The following LRMDA variants were observed in gnomAD, a reference collection of about 807,000 sequenced individuals.
The protein encoded by LRMDA is leucine-rich melanocyte differentiation-associated protein.
In LRMDA, 18 loss-of-function variants were observed where a neutral mutation model predicts 29.8. The observed-to-expected ratio is 0.60, with a 90% CI of 0.42 to 0.90. The LOEUF is 0.90. LRMDA is among the 40% of genes least tolerant of loss of function. LRMDA has a pLI of 0.00. For missense variants in LRMDA, 273 were observed against 273.9 expected (o/e 1.00, Z 0.02); for synonymous variants, 125 against 109.4 (o/e 1.14, Z -0.89).
chr10:75,456,875 C>T (rs1354343635), intron 2 of LRMDA, among the ~76,000 whole-genome samples: 1 of 152,120 alleles, frequency 6.6e-6, no homozygotes, highest in African/African-American at 2.4e-5. Flanking sequence ...AGGGTTTCAC[C>T]ATTTTGGCCA....
chr10:76,219,426 C>G lies in LRMDA; in HGVS notation c.517-104975C>G, dbSNP rs890853753. On this transcript the variant is annotated intron_variant, in intron 5 of 6. Transcript: ENST00000611255. ...AATAAAAGGATGGAGGAAGATCTAC[C>G]AAGCAAATGGAAAACAAAAAAAAGG... 2.8e-4 allele frequency among the ~76,000 whole-genome samples: 43 copies of G among 151,966 alleles called. 1 individual carries two copies. Among genetic ancestry groups the G allele is most frequent in the Admixed American group, 2.6e-4 (4 of 15,246 alleles).
At chr10:76,292,275 C>T (rs903659066) in intron 5 of LRMDA, among the ~76,000 whole-genome samples, 14 of 152,102 alleles carry the variant, frequency 9.2e-5, no homozygotes, top group African/African-American at 1.2e-4. Flanking sequence ...TGAAGGAATT[C>T]GAGGTGTATA....
intron 2 of LRMDA, among the ~76,000 whole-genome samples, chr10:75,805,825 A>G (rs1191962899): frequency 6.6e-6 from 1 of 152,126 alleles, no homozygotes; most frequent in Non-Finnish European, 1.5e-5. Context: ...TTAATATAAA[A>G]GTTTTGAGAC....
chr10:76,180,798 G>T (rs1464131355), intron 5 of LRMDA, among the ~76,000 whole-genome samples: 1 of 152,078 alleles, frequency 6.6e-6, no homozygotes, highest in Non-Finnish European at 1.5e-5. Flanking sequence ...ACTTGTTATG[G>T]CTATGTATCT....
intron 5 of LRMDA, among the ~76,000 whole-genome samples, chr10:76,093,869 T>C (rs891000279): frequency 6.6e-6 from 1 of 152,310 alleles, no homozygotes; most frequent in East Asian, 1.9e-4. Context: ...GCAGCTGTGT[T>C]ACCTTCTCAT....
At chr10:75,886,082 C>T (rs2132348705) in intron 2 of LRMDA, among the ~76,000 whole-genome samples, 2 of 152,324 alleles carry the variant, frequency 1.3e-5, no homozygotes, top group Middle Eastern at 6.8e-3. Context: ...TTTTGCTTTC[C>T]TTCCACCCCT....
intron 2 of LRMDA, among the ~76,000 whole-genome samples, chr10:75,903,716 G>T (rs150780390): frequency 6.6e-6 from 1 of 152,144 alleles, no homozygotes; most frequent in Admixed American, 6.5e-5. Flanking sequence ...CAGCCACTCC[G>T]TTGCATTGCA....
chr10:75,895,601 A>G (rs1024424107), intron 2 of LRMDA, among the ~76,000 whole-genome samples: 10 of 152,178 alleles, frequency 6.6e-5, no homozygotes, highest in Admixed American at 6.5e-4. Context: ...TGATAAGTGG[A>G]AGTGGAAATA....
intron 5 of LRMDA, among the ~76,000 whole-genome samples, chr10:76,320,893 G>A (rs576466587): frequency 6.6e-6 from 1 of 152,194 alleles, no homozygotes; most frequent in Non-Finnish European, 1.5e-5. Flanking sequence ...GTGTTTCCCT[G>A]CATACATGAA....
intron 2 of LRMDA, among the ~76,000 whole-genome samples, chr10:76,007,380 T>C (rs1019222896): frequency 2.0e-4 from 31 of 151,984 alleles, no homozygotes; most frequent in Non-Finnish European, 4.4e-5. Flanking sequence ...TCAACTTCAC[T>C]CTGGCACAAT....
chr10:76,181,611 G>A (rs138198052), intron 5 of LRMDA, among the ~76,000 whole-genome samples: 2 of 152,094 alleles, frequency 1.3e-5, no homozygotes, highest in Non-Finnish European at 2.9e-5. Context: ...CATAAGTACC[G>A]GGATTCAGGA....
intron 6 of LRMDA, among the ~76,000 whole-genome samples, chr10:76,376,854 C>A (rs1841524816): frequency 1.2e-5 from 1 of 83,184 alleles, no homozygotes; most frequent in Non-Finnish European, 2.4e-5. Context: ...GTTTGTTGGG[C>A]ACTTGGAAGT....
intron 5 of LRMDA, among the ~76,000 whole-genome samples, chr10:76,185,878 A>G (rs1851140010): frequency 6.6e-6 from 1 of 152,202 alleles, no homozygotes; most frequent in African/African-American, 2.4e-5. Context: ...TATGAGTTTC[A>G]CTGATATCAA....
chr10:76,106,637 G>A (rs899115068), intron 5 of LRMDA, among the ~76,000 whole-genome samples: 4 of 152,168 alleles, frequency 2.6e-5, no homozygotes, highest in East Asian at 3.9e-4. Flanking sequence ...GTCCTGGTGC[G>A]TGCTGGGCTT....
At chr10:76,143,089 C>T (rs1028141452) in intron 5 of LRMDA, among the ~76,000 whole-genome samples, 1 of 152,096 alleles carries the variant, frequency 6.6e-6, no homozygotes, top group Admixed American at 6.6e-5. Flanking sequence ...TCCAGTCTAT[C>T]GTTATTGGAC....
intron 5 of LRMDA, among the ~76,000 whole-genome samples, chr10:76,278,238 G>A (rs962452539): frequency 6.6e-6 from 1 of 152,138 alleles, no homozygotes; most frequent in Non-Finnish European, 1.5e-5. Context: ...CTGTGCTCAT[G>A]TGTTTACCCA....
At chr10:76,021,711 C>T (rs1226900368) in intron 2 of LRMDA, among the ~76,000 whole-genome samples, 3 of 152,190 alleles carry the variant, frequency 2.0e-5, no homozygotes, top group Non-Finnish European at 4.4e-5. Flanking sequence ...AGCCAGGCCT[C>T]TCCAGCTTTT....
chr10:75,958,755 A>G (rs1381780586), intron 2 of LRMDA, among the ~76,000 whole-genome samples: 2 of 152,240 alleles, frequency 1.3e-5, no homozygotes, highest in Non-Finnish European at 1.5e-5. Flanking sequence ...TGATAAAGAC[A>G]TACCCGAGAC....
intron 2 of LRMDA, among the ~76,000 whole-genome samples, chr10:75,674,796 C>G (rs986357296): frequency 6.6e-6 from 1 of 152,030 alleles, no homozygotes; most frequent in African/African-American, 2.4e-5. Flanking sequence ...TGGTTGGAAT[C>G]TGTATGCTAA....
Sources: gnomAD v4.1 joint callset for allele counts (sites outside exome capture counted in the v4.1 genomes callset) on GRCh38, gnomAD v4.1.1 for gene constraint, MANE v1.5 for transcripts, NCBI Gene and HGNC (gene_info 2026-07-23, HGNC 2026-07-21) for gene names.